The following PLCL1 variants were observed in gnomAD, a reference collection of about 807,000 sequenced individuals.
PLCL1 encodes inactive phospholipase C-like protein 1.
Under a neutral mutation model 84.4 loss-of-function variants are expected in PLCL1, and 41 were observed. The observed-to-expected ratio is 0.49, with a 90% CI of 0.38 to 0.63. PLCL1 has a LOEUF of 0.63. Among genes scored for constraint, PLCL1 ranks in the 30% least tolerant of loss-of-function variants. The probability of loss-of-function intolerance (pLI) is 0.00; values close to 1 mark genes in which losing one functional copy is unlikely to be tolerated. For missense variants in PLCL1, 1,206 were observed against 1,367.8 expected, an observed-to-expected ratio of 0.88 and a Z score of 1.87; for synonymous variants, 490 against 488.3, an observed-to-expected ratio of 1.00 and a Z score of -0.05.
chr2:198,061,513 C>T (rs547977577), intron 1 of PLCL1, among the ~76,000 whole-genome samples: 4 of 152,100 alleles, frequency 2.6e-5, no homozygotes, highest in African/African-American at 4.8e-5. Flanking sequence ...ACTAGAGAAG[C>T]TGGCTTCATT....
chr2:198,028,747 T>A (rs985502181), intron 1 of PLCL1, among the ~76,000 whole-genome samples: 9 of 152,178 alleles, frequency 5.9e-5, no homozygotes, highest in African/African-American at 2.2e-4. Context: ...CTTTTGATGT[T>A]TAAAGTTGTT....
At chr2:197,908,306 A>G (rs1383849935) in intron 1 of PLCL1, among the ~76,000 whole-genome samples, 1 of 152,244 alleles carries the variant, frequency 6.6e-6, no homozygotes, top group Non-Finnish European at 1.5e-5. Flanking sequence ...TAAAAATAGT[A>G]AAGAATCCCT....
intron 5 of PLCL1, among the ~76,000 whole-genome samples, chr2:198,106,916 T>C (rs566056263): frequency 6.6e-6 from 1 of 151,952 alleles, no homozygotes; most frequent in South Asian, 2.1e-4. Context: ...CCTGCAATTT[T>C]TAACTCACGC....
At chr2:197,965,344 G>C (rs1689705554) in intron 1 of PLCL1, among the ~76,000 whole-genome samples, 1 of 151,984 alleles carries the variant, frequency 6.6e-6, no homozygotes, top group Non-Finnish European at 1.5e-5. Context: ...CAATTTATTG[G>C]CATATAGTTG....
At chr2:197,910,805 G>GTGT (rs757912714) in intron 1 of PLCL1, among the ~76,000 whole-genome samples, 16 of 152,126 alleles carry the variant, frequency 1.1e-4, no homozygotes, top group Non-Finnish European at 1.8e-4. Context: ...AAATAGCTTA[G>GTGT]TGTTCAATGT....
chr2:198,078,260 A>T (rs570450694), intron 1 of PLCL1, among the ~76,000 whole-genome samples: 1 of 152,290 alleles, frequency 6.6e-6, no homozygotes, highest in South Asian at 2.1e-4. Context: ...TTGTCAAATG[A>T]ATAAATGAAG....
At chr2:198,058,451 A>G (rs1692116819) in intron 1 of PLCL1, among the ~76,000 whole-genome samples, 1 of 152,098 alleles carries the variant, frequency 6.6e-6, no homozygotes, top group African/African-American at 2.4e-5. Flanking sequence ...GTCAAATCAT[A>G]GAAAAGAATT....
intron 5 of PLCL1, among the ~76,000 whole-genome samples, chr2:198,110,949 A>T (rs1444401149): frequency 6.6e-6 from 1 of 151,820 alleles, no homozygotes; most frequent in African/African-American, 2.4e-5. Flanking sequence ...ACAGACCTCC[A>T]AACAACAACA....
chr2:197,989,677 C>T (rs1035789817), intron 1 of PLCL1, among the ~76,000 whole-genome samples: 3 of 151,906 alleles, frequency 2.0e-5, no homozygotes, highest in African/African-American at 7.3e-5. Context: ...GCACTCCAGC[C>T]TGGGCAACAG....
In PLCL1 at chr2:198,084,051, T is replaced by C. The variant is rs1340457237; in HGVS notation, c.534T>C (p.Asn178=). ...LGKNTETFRN[N]GLADQICEDC... ...AAAACACGGAAACATTTAGAAACAA[T>C]GGCCTTGCTGACCAGATCTGTGAGG... Residue 178 remains asparagine, a synonymous_variant, in exon 2 of 6, where the codon AAT becomes AAC. Transcript: ENST00000428675. The C allele has an allele frequency of 6.2e-7, 1 of 1,614,042 alleles. No homozygotes were observed. Among genetic ancestry groups the C allele is most frequent in the African/African-American group, 1.3e-5 (1 of 74,926 alleles).
intron 1 of PLCL1, among the ~76,000 whole-genome samples, chr2:198,006,551 T>C (rs1017530963): frequency 6.6e-6 from 1 of 152,240 alleles, no homozygotes; most frequent in Non-Finnish European, 1.5e-5. Context: ...ATAATGTTTA[T>C]ATTTATGTTT....
At chr2:198,098,392 TA>T in intron 3 of PLCL1, among the ~76,000 whole-genome samples, 1 of 152,226 alleles carries the variant, frequency 6.6e-6, no homozygotes, top group Non-Finnish European at 1.5e-5. Context: ...TGGCAAAATT[TA>T]TTTTCATGAT....
intron 1 of PLCL1, among the ~76,000 whole-genome samples, chr2:197,999,671 A>G (rs1468951482): frequency 6.6e-6 from 1 of 152,200 alleles, no homozygotes; most frequent in Admixed American, 6.5e-5. Flanking sequence ...CATAACAAAG[A>G]AATACCCCAT....
At chr2:198,012,983 C>A (rs1329080019) in intron 1 of PLCL1, among the ~76,000 whole-genome samples, 2 of 151,982 alleles carry the variant, frequency 1.3e-5, no homozygotes, top group Admixed American at 1.3e-4. Flanking sequence ...CATCTCTGCC[C>A]CCTCCCAGTT....
chr2:198,013,612 G>A (rs576910335), intron 1 of PLCL1, among the ~76,000 whole-genome samples: 1 of 152,048 alleles, frequency 6.6e-6, no homozygotes, highest in Admixed American at 6.6e-5. Context: ...ATCTGAGAAA[G>A]CGTATCATAG....
chr2:197,850,669 G>C (rs540128884), intron 1 of PLCL1, among the ~76,000 whole-genome samples: 3 of 152,108 alleles, frequency 2.0e-5, no homozygotes, highest in South Asian at 4.1e-4. Context: ...TAGAAGACAG[G>C]TTATATTGTC....
At chr2:197,968,259 G>A (rs2105795114) in intron 1 of PLCL1, among the ~76,000 whole-genome samples, 1 of 152,184 alleles carries the variant, frequency 6.6e-6, no homozygotes, top group Admixed American at 6.5e-5. Flanking sequence ...ATGGAAATCT[G>A]GCCTTGGGAG....
chr2:198,130,411 T>C (rs1694092117), intron 5 of PLCL1, among the ~76,000 whole-genome samples: 1 of 152,178 alleles, frequency 6.6e-6, no homozygotes, highest in Admixed American at 6.5e-5. Flanking sequence ...ACACAGTTCA[T>C]GCAAAGGGTT....
intron 5 of PLCL1, among the ~76,000 whole-genome samples, chr2:198,129,333 G>A (rs1344616412): frequency 1.3e-5 from 2 of 152,032 alleles, no homozygotes; most frequent in African/African-American, 4.8e-5. Context: ...TAATAAGACC[G>A]TTGGTCTCCA....
Sources: allele counts gnomAD v4.1 joint callset (sites outside exome capture counted in the v4.1 genomes callset), GRCh38; gene constraint gnomAD v4.1.1; transcripts MANE v1.5; gene names NCBI Gene and HGNC (gene_info 2026-07-23, HGNC 2026-07-21).